OLA1: variants seen among roughly 807,000 people sequenced by gnomAD.
OLA1 encodes obg-like ATPase 1.
OLA1 carries 14 observed loss-of-function variants against 48.4 expected under a neutral mutation model. The observed-to-expected ratio is 0.29, with a 90% CI of 0.19 to 0.45. The LOEUF is 0.45. Among genes scored for constraint, OLA1 ranks in the 20% least tolerant of loss-of-function variants. The pLI, the probability that OLA1 is intolerant of heterozygous loss-of-function variation, is 1.00. For synonymous variants in OLA1, 127 were observed against 150.4 expected (o/e 0.84, Z 1.14); for missense variants, 325 against 467.1 (o/e 0.70, Z 2.80).
rs1357181265 is a variant in OLA1 at position 174,082,000 on chromosome 2, C to T, written c.793G>A (p.Gly265Arg). ...TCTTGCAACTTGAGTTCCAAGGCCCCACTAAAAGGAATGACCAAAGCACCT... is the reference window on the plus strand; with the variant it reads ...TCTTGCAACTTGAGTTCCAAGGCCCTACTAAAAGGAATGACCAAAGCACCT... ...DPGALVIPFS[G>R]ALELKLQELS... The change falls in exon 8 of 11, where the codon GGG becomes AGG. Residue 265 changes from glycine (G) to arginine (R), a missense_variant. Physicochemically the swap from Gly to Arg is moderately radical, Grantham distance 125. Coordinates refer to ENST00000284719, the MANE Select transcript of OLA1 (RefSeq NM_013341.5). The T allele has an allele frequency of 6.2e-7, 1 of 1,613,510 alleles. No homozygotes were observed. Among genetic ancestry groups the T allele is most frequent in the South Asian group, 1.1e-5 (1 of 91,058 alleles).
At chr2:174,193,253 C>A (rs748969376) in intron 4 of OLA1, among the ~76,000 whole-genome samples, 5 of 152,016 alleles carry the variant, frequency 3.3e-5, no homozygotes, top group Non-Finnish European at 5.9e-5. Context: ...CCATGCCCAG[C>A]TAATTTCTGT....
At chr2:174,182,502 G>A (rs1687571452) in intron 4 of OLA1, among the ~76,000 whole-genome samples, 1 of 151,932 alleles carries the variant, frequency 6.6e-6, no homozygotes. Flanking sequence ...ACTCCAGCCT[G>A]GGCAACAAGA....
chr2:174,072,696 ATAT>A lies in OLA1; in HGVS notation c.*2727_*2729del, dbSNP rs1360070668. The A allele has an allele frequency of 2.6e-5, 4 of 152,218 alleles. No individual in the cohort carries two copies. The highest frequency in any genetic ancestry group is 5.9e-5 in the Non-Finnish European group (4 of 68,052). 9.4% of individuals were successfully genotyped at this position (152,218 alleles called of 1,614,324 possible). A position where few individuals can be genotyped will look rare whatever the true frequency, so the allele number is the denominator to read the frequency against. On this transcript the variant is annotated 3_prime_UTR_variant, in exon 11 of 11. Coordinates refer to ENST00000284719, the MANE Select transcript of OLA1 (RefSeq NM_013341.5). ...CGGGGTTTACAAAGGAGCTTTGGAA[ATAT>A]TATACACAGACAACTAGAGACAAAC...
chr2:174,161,648 G>A (rs1342003422), intron 4 of OLA1, among the ~76,000 whole-genome samples: 1 of 145,030 alleles, frequency 6.9e-6, no homozygotes, highest in African/African-American at 2.6e-5. Context: ...CTGGGTGACA[G>A]ACTAAGACTT....
chr2:174,126,869 G>T (rs1274584575), intron 5 of OLA1, among the ~76,000 whole-genome samples: 2 of 152,062 alleles, frequency 1.3e-5, no homozygotes, highest in African/African-American at 2.4e-5. Flanking sequence ...CTGTATAATT[G>T]TTCACTAGTC....
At chr2:174,231,286 T>C (rs1478772360) in intron 2 of OLA1, among the ~76,000 whole-genome samples, 3 of 152,200 alleles carry the variant, frequency 2.0e-5, no homozygotes, top group African/African-American at 7.2e-5. Flanking sequence ...AATGGAAATA[T>C]TGCAGAATAA....
At chr2:174,136,047 C>T (rs942063856) in intron 5 of OLA1, among the ~76,000 whole-genome samples, 1 of 152,166 alleles carries the variant, frequency 6.6e-6, no homozygotes, top group African/African-American at 2.4e-5. Context: ...CTAAAAAATG[C>T]TAATGATCAT....
At chr2:174,133,534 T>C (rs916690350) in intron 5 of OLA1, among the ~76,000 whole-genome samples, 6 of 152,156 alleles carry the variant, frequency 3.9e-5, no homozygotes, top group Non-Finnish European at 5.9e-5. Context: ...CTGATTTTTG[T>C]ATTTTTAGTA....
At chr2:174,163,766 ATATATATAT>A (rs1252902397) in intron 4 of OLA1, among the ~76,000 whole-genome samples, 2 of 28,232 alleles carry the variant, frequency 7.1e-5, no homozygotes, top group East Asian at 3.4e-3. Context: ...ATATATATAT[ATATATATAT>A]AAATAAATGT....
intron 7 of OLA1, among the ~76,000 whole-genome samples, chr2:174,091,387 TAAGATTTTATCTG>T (rs1261574016): frequency 1.3e-5 from 2 of 151,172 alleles, no homozygotes; most frequent in African/African-American, 4.8e-5. Context: ...GGTTTCTGCA[TAAGATTTTATCTG>T]AAGATTTTAT....
chr2:174,162,703 T>G (rs1362354269), intron 4 of OLA1, among the ~76,000 whole-genome samples: 2 of 152,302 alleles, frequency 1.3e-5, no homozygotes, highest in East Asian at 3.9e-4. Flanking sequence ...AAAAATAGAC[T>G]TTTAACCCCT....
chr2:174,208,714 G>A (rs907698686), intron 4 of OLA1, among the ~76,000 whole-genome samples: 14 of 152,062 alleles, frequency 9.2e-5, no homozygotes, highest in African/African-American at 3.4e-4. Context: ...TCAGCATAAG[G>A]TGTGCTCTGT....
intron 3 of OLA1, among the ~76,000 whole-genome samples, chr2:174,227,387 G>A (rs959028277): frequency 6.6e-6 from 1 of 152,178 alleles, no homozygotes; most frequent in South Asian, 2.1e-4. Context: ...TGGGGTCAGT[G>A]TTAATCCCAT....
chr2:174,216,240 C>G (rs1457367304), intron 4 of OLA1, among the ~76,000 whole-genome samples: 1 of 152,024 alleles, frequency 6.6e-6, no homozygotes, highest in African/African-American at 2.4e-5. Flanking sequence ...GAGTTCCAGG[C>G]TGCAATGAGC....
chr2:174,163,907 T>C (rs1687093655), intron 4 of OLA1, among the ~76,000 whole-genome samples: 1 of 151,470 alleles, frequency 6.6e-6, no homozygotes, highest in African/African-American at 2.4e-5. Context: ...TAAAACGTGG[T>C]GGTACAATTT....
intron 2 of OLA1, among the ~76,000 whole-genome samples, chr2:174,243,765 G>A (rs560579292): frequency 6.6e-6 from 1 of 152,252 alleles, no homozygotes; most frequent in Admixed American, 6.5e-5. Flanking sequence ...TATCTGATTA[G>A]CTATAAATAT....
chr2:174,179,453 A>C (rs934940578), intron 4 of OLA1, among the ~76,000 whole-genome samples: 11 of 151,946 alleles, frequency 7.2e-5, no homozygotes, highest in African/African-American at 2.7e-4. Context: ...ATTTATGGGA[A>C]CCTTATATTA....
intron 7 of OLA1, among the ~76,000 whole-genome samples, chr2:174,107,827 G>A (rs1367574405): frequency 6.6e-6 from 1 of 152,024 alleles, no homozygotes; most frequent in Non-Finnish European, 1.5e-5. Context: ...TAGGATAATT[G>A]TGTCAGATTA....
At chr2:174,087,031 C>CTT (rs374845811) in intron 7 of OLA1, among the ~76,000 whole-genome samples, 15 of 142,068 alleles carry the variant, frequency 1.1e-4, no homozygotes, top group Non-Finnish European at 1.7e-4. Flanking sequence ...TTCTTTTTTT[C>CTT]TTTTTTTTTT....
Sources: allele counts gnomAD v4.1 joint callset (sites outside exome capture counted in the v4.1 genomes callset), GRCh38; gene constraint gnomAD v4.1.1; transcripts MANE v1.5; gene names NCBI Gene and HGNC (gene_info 2026-07-23, HGNC 2026-07-21).